IPCEF1: variants seen among roughly 807,000 people sequenced by gnomAD.
The protein encoded by IPCEF1 is interaction protein for cytohesin exchange factors 1.
IPCEF1 carries 31 observed loss-of-function variants against 50.9 expected under a neutral mutation model. That is an observed-to-expected ratio of 0.61 (90% CI 0.46 to 0.82). IPCEF1 has a LOEUF of 0.82. Ranked by LOEUF, IPCEF1 falls within the 40% of genes least tolerant of loss-of-function variation. The pLI is 0.00. For synonymous variants in IPCEF1, 181 were observed against 192.0 expected, an observed-to-expected ratio of 0.94 and a Z score of 0.47; for missense variants, 458 against 514.0, an observed-to-expected ratio of 0.89 and a Z score of 1.05.
chr6:154,296,690 A>G (rs1045617827), intron 1 of IPCEF1, among the ~76,000 whole-genome samples: 15 of 151,996 alleles, frequency 9.9e-5, no homozygotes, highest in African/African-American at 2.7e-4. Context: ...TTAGCCAGGC[A>G]TGGTGGCGGG....
At chr6:154,274,499 T>C (rs1438946591) in intron 2 of IPCEF1, among the ~76,000 whole-genome samples, 1 of 152,156 alleles carries the variant, frequency 6.6e-6, no homozygotes, top group African/African-American at 2.4e-5. Context: ...CATTTTACCA[T>C]AGTAACAAAC....
intron 1 of IPCEF1, among the ~76,000 whole-genome samples, chr6:154,350,584 C>T (rs895641963): frequency 6.6e-6 from 1 of 152,262 alleles, no homozygotes; most frequent in Non-Finnish European, 1.5e-5. Context: ...GGGCTTATTA[C>T]TAGCACATAA....
At chr6:154,289,420 T>C (rs114552974) in intron 2 of IPCEF1, among the ~76,000 whole-genome samples, 3,199 of 151,718 alleles carry the variant, frequency 0.021, 91 homozygotes, top group African/African-American at 0.072. Flanking sequence ...TAAAGTACTT[T>C]GATAGTCGTG....
intron 1 of IPCEF1, among the ~76,000 whole-genome samples, chr6:154,343,937 TC>T (rs1382834103): frequency 1.6e-4 from 24 of 152,078 alleles, no homozygotes; most frequent in African/African-American, 5.6e-4. Context: ...ACCTCACATA[TC>T]CCCACGTGTG....
chr6:154,181,707 A>G (rs528301948), intron 10 of IPCEF1, among the ~76,000 whole-genome samples: 53 of 152,312 alleles, frequency 3.5e-4, no homozygotes, highest in African/African-American at 1.2e-3. Context: ...TTTGTACCTC[A>G]AATTCTGTCT....
At chr6:154,257,249 T>C (rs936132689) in intron 3 of IPCEF1, among the ~76,000 whole-genome samples, 1 of 152,184 alleles carries the variant, frequency 6.6e-6, no homozygotes, top group Non-Finnish European at 1.5e-5. Context: ...CATTTATCTT[T>C]AGCTCCTTTC....
intron 5 of IPCEF1, among the ~76,000 whole-genome samples, chr6:154,229,176 C>A (rs558838274): frequency 6.6e-6 from 1 of 152,140 alleles, no homozygotes; most frequent in Admixed American, 6.6e-5. Context: ...ATTGTGAGTA[C>A]CTTGAAGGAA....
chr6:154,201,247 A>C (rs532279647), intron 9 of IPCEF1, among the ~76,000 whole-genome samples: 2 of 152,320 alleles, frequency 1.3e-5, no homozygotes, highest in East Asian at 3.9e-4. Context: ...AATATAACCA[A>C]CAATTCTTGG....
At chr6:154,324,850 T>C (rs1010704097) in intron 1 of IPCEF1, among the ~76,000 whole-genome samples, 4 of 151,288 alleles carry the variant, frequency 2.6e-5, no homozygotes, top group African/African-American at 9.7e-5. Flanking sequence ...TCCAAAAAGA[T>C]TAGCAAATGT....
At position 154,350,354 on chromosome 6, in the gene IPCEF1, A is replaced by T. The variant is rs576465522; in HGVS notation, c.-62+6318T>A. The stretch of plus-strand genomic sequence containing the variant: ...AACCAAATTGTCATGATAATCTGGG[A>T]TCACTATCTAGACTCCATTTATGAA... On this transcript the variant is annotated intron_variant, in intron 1 of 11. Coordinates refer to ENST00000367220, the MANE Select transcript of IPCEF1 (RefSeq NM_001130700.2). 1.6e-4 allele frequency among the ~76,000 whole-genome samples: 24 copies of T among 152,330 alleles called. 1 individual carries two copies. In the South Asian group the frequency reaches 2.3e-3, roughly 14 times the overall value.
intron 10 of IPCEF1, among the ~76,000 whole-genome samples, chr6:154,171,354 A>G (rs1799853512): frequency 6.6e-6 from 1 of 152,206 alleles, no homozygotes; most frequent in Admixed American, 6.5e-5. Flanking sequence ...GCTAAGTAAA[A>G]GAAGCCAGTC....
intron 4 of IPCEF1, 152 bp from the exon 5 acceptor site, chr6:154,246,912 G>T: frequency 3.4e-6 from 2 of 579,714 alleles, no homozygotes; most frequent in Non-Finnish European, 2.4e-6. Flanking sequence ...CAAAGCCTAT[G>T]CAAAACCTAT....
intron 5 of IPCEF1, among the ~76,000 whole-genome samples, chr6:154,241,555 T>G (rs548958006): frequency 6.6e-6 from 1 of 152,282 alleles, no homozygotes; most frequent in South Asian, 2.1e-4. Flanking sequence ...ATCATGCTTA[T>G]TTTAGCCTCA....
At chr6:154,248,077 C>T (rs1781202334) in intron 3 of IPCEF1, among the ~76,000 whole-genome samples, 1 of 152,146 alleles carries the variant, frequency 6.6e-6, no homozygotes, top group Admixed American at 6.5e-5. Context: ...TCAGGAAATT[C>T]TTATTTACAG....
At chr6:154,256,785 T>A (rs139132679) in intron 3 of IPCEF1, among the ~76,000 whole-genome samples, 9 of 152,326 alleles carry the variant, frequency 5.9e-5, no homozygotes, top group African/African-American at 1.7e-4. Context: ...GACTTTATGA[T>A]AGTACAAAAG....
intron 1 of IPCEF1, among the ~76,000 whole-genome samples, chr6:154,296,843 A>G (rs201278850): frequency 8.1e-5 from 12 of 147,516 alleles, no homozygotes; most frequent in Non-Finnish European, 1.3e-4. Flanking sequence ...AAAAAAAAAA[A>G]GAAAAAAAAA....
At chr6:154,178,847 C>A (rs1173311751) in intron 10 of IPCEF1, among the ~76,000 whole-genome samples, 1 of 152,168 alleles carries the variant, frequency 6.6e-6, no homozygotes, top group African/African-American at 2.4e-5. Context: ...TCAGAGAAAG[C>A]CTGGAACTGA....
intron 1 of IPCEF1, among the ~76,000 whole-genome samples, chr6:154,356,235 T>A (rs1204541134): frequency 6.6e-6 from 1 of 152,188 alleles, no homozygotes; most frequent in Non-Finnish European, 1.5e-5. Context: ...CTGAGACCTT[T>A]ATCAAAGTGT....
chr6:154,215,790 T>G (rs1027621623), intron 7 of IPCEF1, among the ~76,000 whole-genome samples: 1 of 152,034 alleles, frequency 6.6e-6, no homozygotes, highest in Admixed American at 6.6e-5. Flanking sequence ...CAAAAATGTA[T>G]ATCAAGTCTC....
Sources: gnomAD v4.1 joint callset for allele counts (sites outside exome capture counted in the v4.1 genomes callset) on GRCh38, gnomAD v4.1.1 for gene constraint, MANE v1.5 for transcripts, NCBI Gene and HGNC (gene_info 2026-07-23, HGNC 2026-07-21) for gene names.